Variants in PITPNA observed in about 807,000 individuals in gnomAD.
PITPNA encodes the protein phosphatidylinositol transfer protein alpha, also known as phosphatidylinositol transfer protein alpha isoform.
A neutral mutation model predicts 50.3 loss-of-function variants in PITPNA; 13 were observed. The ratio of observed to expected loss-of-function variants is 0.26; its 90% CI spans 0.17 to 0.41. The LOEUF (loss-of-function observed/expected upper bound fraction) is 0.41, where lower values mean the gene tolerates loss of function less well. PITPNA is among the 10% of genes least tolerant of loss of function. The pLI is 1.00. For synonymous variants in PITPNA, 120 were observed against 119.6 expected (o/e 1.00, Z -0.02); for missense variants, 207 against 333.4 (o/e 0.62, Z 2.95).
At chr17:1,553,626 T>C (rs1261189503) in intron 2 of PITPNA, among the ~76,000 whole-genome samples, 1 of 152,200 alleles carries the variant, frequency 6.6e-6, no homozygotes, top group African/African-American at 2.4e-5. Context: ...AAAGGAGCTT[T>C]TGTGCTAAGC....
intron 2 of PITPNA, 39 bp from the exon 3 acceptor site, chr17:1,553,188 C>T (rs772558095): frequency 6.2e-7 from 1 of 1,609,442 alleles, no homozygotes; most frequent in Middle Eastern, 1.7e-4. Flanking sequence ...AACACGGACC[C>T]TTCTCAACGG....
At position 1,524,061 on chromosome 17, in the gene PITPNA, TTG is replaced by T. The variant is rs1172722231; in HGVS notation, c.769-2418_769-2417del. On this transcript the variant is annotated intron_variant, in intron 10 of 11. Coordinates refer to ENST00000313486, the MANE Select transcript of PITPNA (RefSeq NM_006224.4). ...TTCTTTTTTCTTTTTTTTTTTTTTT[TTG>T]AGACGGAGTCTCGCTCAGTCACCCA... Among the ~76,000 whole-genome samples the T allele has an allele frequency of 7.8e-3, 1,093 of 140,576 alleles. 7 individuals carry two copies. The highest frequency in any genetic ancestry group is 0.015 in the Admixed American group (217 of 14,304). 92.2% of individuals were successfully genotyped at this position (140,576 alleles called of 152,430 possible). A position where few individuals can be genotyped will look rare whatever the true frequency, so the allele number is the denominator to read the frequency against.
intron 7 of PITPNA, among the ~76,000 whole-genome samples, chr17:1,537,962 G>A (rs749400919): frequency 2.6e-5 from 4 of 151,980 alleles, no homozygotes; most frequent in Admixed American, 1.3e-4. Context: ...CACCAGGCCT[G>A]GCTAATTTTT....
In PITPNA at chr17:1,557,801, C is replaced by A. The variant is rs190003082; in HGVS notation, c.51+728G>T. Among the ~76,000 whole-genome samples, 4 of 152,342 alleles carry A rather than the reference C, an allele frequency of 2.6e-5. No homozygotes were observed. In the East Asian group the frequency reaches 7.7e-4, roughly 29 times the overall value. The stretch of plus-strand genomic sequence containing the variant: ...GGGTTCTGTGTCTTGGTCTTTCCAG[C>A]AGTCACCTATCGTGGCTAGGGAGAG... On this transcript the variant is annotated intron_variant, in intron 2 of 11. Coordinates refer to ENST00000313486, the MANE Select transcript of PITPNA (RefSeq NM_006224.4).
intron 5 of PITPNA, 149 bp from the exon 6 acceptor site, chr17:1,541,789 C>A (rs1340430399): frequency 2.2e-5 from 16 of 711,810 alleles, no homozygotes; most frequent in Non-Finnish European, 3.9e-5. Flanking sequence ...TGACTGGGAG[C>A]CCACGACACA....
chr17:1,541,566 A>G lies in PITPNA; in HGVS notation c.372T>C (p.Asn124=), dbSNP rs1262502921. The change falls in exon 6 of 12, where the codon AAT becomes AAC. Residue 124 remains asparagine (N), a splice_region_variant and synonymous_variant. Transcript: ENST00000313486. ...GGGGCTTTTGGGAACTACTACTCAC[A>G]TTCTCCTGCGTGCCAAGATCTGGTT... The part of the protein sequence containing the change: ...WHKPDLGTQE[N]VHKLEPEAWK... 8.7e-6 allele frequency: 14 copies of G among 1,611,206 alleles called. No individual in the cohort carries two copies. Among genetic ancestry groups the G allele is most frequent in the Middle Eastern group, 1.7e-4 (1 of 6,052 alleles).
chr17:1,523,907 C>G (rs999571388), intron 10 of PITPNA, among the ~76,000 whole-genome samples: 2 of 152,306 alleles, frequency 1.3e-5, no homozygotes, highest in East Asian at 3.9e-4. Context: ...AGTCCTCCCG[C>G]CATGGCCTCC....
intron 4 of PITPNA, among the ~76,000 whole-genome samples, chr17:1,546,691 G>A (rs1357245649): frequency 6.6e-6 from 1 of 152,108 alleles, no homozygotes; most frequent in African/African-American, 2.4e-5. Context: ...GACTCCCCAG[G>A]GTTATGAATC....
chr17:1,549,678 T>G (rs759798412), intron 3 of PITPNA, among the ~76,000 whole-genome samples: 4 of 143,312 alleles, frequency 2.8e-5, no homozygotes, highest in African/African-American at 5.3e-5. Context: ...CTTTTTTTTG[T>G]TTGTTTTTGT....
chr17:1,549,264 C>CTT (rs111372952), intron 3 of PITPNA, among the ~76,000 whole-genome samples: 92 of 126,176 alleles, frequency 7.3e-4, no homozygotes, highest in Admixed American at 1.2e-3. Flanking sequence ...AAGCCCCCTG[C>CTT]TTTTTTTTTT....
At chr17:1,521,967 C>T (rs1001837661) in intron 10 of PITPNA, among the ~76,000 whole-genome samples, 2 of 151,498 alleles carry the variant, frequency 1.3e-5, no homozygotes, top group African/African-American at 4.9e-5. Context: ...TCACACGATC[C>T]TCTGCCTCAA....
chr17:1,541,647 G>C lies in PITPNA; in HGVS notation c.298-7C>G. 6.3e-7 allele frequency: 1 copy of C among 1,594,638 alleles called. No homozygotes were observed. The highest frequency in any genetic ancestry group is 8.6e-7 in the Non-Finnish European group (1 of 1,162,412). On this transcript the variant is annotated splice_polypyrimidine_tract_variant and splice_region_variant and intron_variant, in intron 5 of 11. Coordinates refer to ENST00000313486, the MANE Select transcript of PITPNA (RefSeq NM_006224.4). ...CTTCTTTCATGTACTCATTCTGGAAGAAGGAAAAAAAATACATGAAAGTCA... is the reference window on the plus strand; with the variant it reads ...CTTCTTTCATGTACTCATTCTGGAACAAGGAAAAAAAATACATGAAAGTCA...
chr17:1,518,298 A>AC lies in PITPNA; in HGVS notation c.*2262dup, dbSNP rs1432949751. On this transcript the variant is annotated 3_prime_UTR_variant, in exon 12 of 12. Coordinates refer to ENST00000313486, the MANE Select transcript of PITPNA (RefSeq NM_006224.4). The stretch of plus-strand genomic sequence containing the variant: ...CACTGCTGCTTCTGTTGGGGCTGTG[A>AC]CCCTGGAATTCTGATGGAAGCAGCT... 2.6e-5 allele frequency: 4 copies of AC among 152,670 alleles called. No homozygotes were observed. Among genetic ancestry groups the AC allele is most frequent in the African/African-American group, 7.2e-5 (3 of 41,554 alleles). 9.5% of individuals were successfully genotyped at this position (152,670 alleles called of 1,614,324 possible). A position where few individuals can be genotyped will look rare whatever the true frequency, so the allele number is the denominator to read the frequency against.
chr17:1,533,069 C>T (rs983709813), intron 10 of PITPNA, among the ~76,000 whole-genome samples: 1 of 152,236 alleles, frequency 6.6e-6, no homozygotes, highest in African/African-American at 2.4e-5. Context: ...TGAGGCCCTG[C>T]AGGAGAGCTG....
At chr17:1,558,792 A>C (rs987142319) in intron 1 of PITPNA, among the ~76,000 whole-genome samples, 21 of 14,624 alleles carry the variant, frequency 1.4e-3, no homozygotes, top group African/African-American at 6.3e-3. Flanking sequence ...CCCCCCCCCC[A>C]GAGAATGGCC....
At chr17:1,532,774 T>G (rs1341946420) in intron 10 of PITPNA, among the ~76,000 whole-genome samples, 1 of 152,192 alleles carries the variant, frequency 6.6e-6, no homozygotes, top group Non-Finnish European at 1.5e-5. Flanking sequence ...CTAAAGATCC[T>G]TAGCGAAAGA....
chr17:1,552,949 C>G, intron 3 of PITPNA, 55 bp downstream of exon 3: 1 of 1,575,574 alleles, frequency 6.3e-7, no homozygotes, highest in Non-Finnish European at 8.7e-7. Flanking sequence ...GGAAATAACA[C>G]TCATTCACAC....
intron 1 of PITPNA, among the ~76,000 whole-genome samples, chr17:1,560,755 G>A (rs538184816): frequency 6.6e-6 from 1 of 152,320 alleles, no homozygotes; most frequent in Admixed American, 6.5e-5. Flanking sequence ...TGTTGGCATC[G>A]TAAAGTTCTT....
rs117617243 is a variant in PITPNA, at chr17:1,518,128, C to G, written c.*2433G>C. On this transcript the variant is annotated 3_prime_UTR_variant, in exon 12 of 12. Transcript: ENST00000313486. ...AAAGTGTAGTTTGTAAAACAAGTAG[C>G]ACTAGGAACCAACCAAAGTAAGTCA... 1 of 152,672 alleles carries G rather than the reference C, an allele frequency of 6.5e-6. No individual in the cohort carries two copies. The highest frequency in any genetic ancestry group is 1.9e-4 in the East Asian group (1 of 5,182). 9.5% of individuals were successfully genotyped at this position (152,672 alleles called of 1,614,324 possible).
Sources: gnomAD v4.1 joint callset for allele counts (sites outside exome capture counted in the v4.1 genomes callset) on GRCh38, gnomAD v4.1.1 for gene constraint, MANE v1.5 for transcripts, NCBI Gene and HGNC (gene_info 2026-07-23, HGNC 2026-07-21) for gene names.